Variants in RAVER1 observed in about 807,000 individuals in gnomAD.
The protein encoded by RAVER1 is ribonucleoprotein, PTB binding 1, also known as ribonucleoprotein PTB-binding 1.
In RAVER1, 36 loss-of-function variants were observed where a neutral mutation model predicts 68.4. The observed-to-expected ratio is 0.53, with a 90% confidence interval of 0.40 to 0.70. The LOEUF is 0.70. Ranked by LOEUF, RAVER1 falls within the 30% of genes least tolerant of loss-of-function variation. The probability of loss-of-function intolerance (pLI) is 0.00; values close to 1 mark genes in which losing one functional copy is unlikely to be tolerated. For synonymous variants in RAVER1, 469 were observed against 472.7 expected (o/e 0.99, Z 0.10); for missense variants, 933 against 1,019.8 (o/e 0.91, Z 1.16).
rs1276511392 is a variant in RAVER1 at position 10,323,107 on chromosome 19, G to C, written c.1078+38C>G. 1 of 1,516,794 alleles carries C rather than the reference G, an allele frequency of 6.6e-7. No homozygotes were observed. Among genetic ancestry groups the C allele is most frequent in the Non-Finnish European group, 8.9e-7 (1 of 1,127,370 alleles). The allele number at this position is 1,516,794 out of a possible 1,614,324, so 94.0% of individuals were successfully genotyped here. On this transcript the variant is annotated intron_variant, in intron 5 of 12. Coordinates refer to ENST00000617231, the MANE Select transcript of RAVER1 (RefSeq NM_133452.3). The surrounding 1 kb of genome is among the most constrained non-coding windows in gnomAD (Gnocchi z 6.2). ...TGCCGGGGGCAGCGCTGCAGCCCCT[G>C]TTCTGCACAGTGGGGCCCCTGTCCA...
intron 3 of RAVER1, among the ~76,000 whole-genome samples, chr19:10,325,923 TAGCTGGTCATG>T (rs1568312397): frequency 6.6e-6 from 1 of 152,042 alleles, no homozygotes; most frequent in African/African-American, 2.4e-5. Context: ...AGAGTACCTG[TAGCTGGTCATG>T]ACCCTGTGAC....
In RAVER1 at chr19:10,318,300, A is replaced by C. The variant is rs901525614; in HGVS notation, c.1918T>G (p.Tyr640Asp). Residue 640 changes from tyrosine to aspartate, a missense_variant, in exon 11 of 13, where the codon TAT (tyrosine) becomes GAT (aspartate). Tyr to Asp is a radical substitution (Grantham distance 160). Around this residue, in one of 3 missense-constraint regions of RAVER1, gnomAD observed 699 missense variants for 731.1 expected, o/e 0.96. Coordinates refer to ENST00000617231, the MANE Select transcript of RAVER1 (RefSeq NM_133452.3). The part of the protein sequence containing the change: ...GSGGGPLSHF[Y>D]SGSPTSYFTS... ...AAGTAGGAAGTGGGCGAGCCTGAATAGAAGTGAGACAGGGGGCCCCCGCCA... is the reference window on the plus strand; with the variant it reads ...AAGTAGGAAGTGGGCGAGCCTGAATCGAAGTGAGACAGGGGGCCCCCGCCA... 5.0e-6 allele frequency: 8 copies of C among 1,599,680 alleles called. No individual in the cohort carries two copies. Among genetic ancestry groups the C allele is most frequent in the Non-Finnish European group, 6.8e-6 (8 of 1,174,310 alleles).
At chr19:10,332,565 G>A (rs79487480) in intron 1 of RAVER1, among the ~76,000 whole-genome samples, 4,459 of 152,286 alleles carry the variant, frequency 0.029, 87 homozygotes, top group East Asian at 0.049. Flanking sequence ...CAGGAAGCGA[G>A]AACCTATTTC....
rs2145068992 is a variant in RAVER1 at position 10,320,969 on chromosome 19, G to A, written c.1474-18C>T. Reference sequence around the variant, plus strand: ...AGTGAGACCTGTGGCGGGAAGGCAGGATTCGAGAGGGCCCCCGGGAGAGGG... The same window carrying A: ...AGTGAGACCTGTGGCGGGAAGGCAGAATTCGAGAGGGCCCCCGGGAGAGGG... On this transcript the variant is annotated intron_variant, in intron 8 of 12. Coordinates refer to ENST00000617231, the MANE Select transcript of RAVER1 (RefSeq NM_133452.3). The A allele has an allele frequency of 6.7e-7, 1 of 1,490,126 alleles. No individual in the cohort carries two copies. The highest frequency in any genetic ancestry group is 1.4e-5 in the South Asian group (1 of 70,452). 92.3% of individuals were successfully genotyped at this position (1,490,126 alleles called of 1,614,324 possible).
Position 10,317,148 on chromosome 19 carries a change from G to C in RAVER1, c.*306C>G. 2.4e-6 allele frequency: 1 copy of C among 424,696 alleles called. No homozygotes were observed. The highest frequency in any genetic ancestry group is 4.2e-6 in the Non-Finnish European group (1 of 237,342). 26.3% of individuals were successfully genotyped at this position (424,696 alleles called of 1,614,324 possible). ...AAATTACAGGAGCAATGAGGCAGGAGGGCTCCGGAGAGACGGGCACAGCGG... is the reference window on the plus strand; with the variant it reads ...AAATTACAGGAGCAATGAGGCAGGACGGCTCCGGAGAGACGGGCACAGCGG... On this transcript the variant is annotated 3_prime_UTR_variant, in exon 13 of 13. Coordinates refer to ENST00000617231, the MANE Select transcript of RAVER1 (RefSeq NM_133452.3). The surrounding 1 kb of genome is among the most constrained non-coding windows in gnomAD (Gnocchi z 4.3).
chr19:10,327,239 G>A (rs1242640829), intron 3 of RAVER1, among the ~76,000 whole-genome samples: 1 of 152,026 alleles, frequency 6.6e-6, no homozygotes, highest in Non-Finnish European at 1.5e-5. Context: ...CCACAGAGCT[G>A]GGGGTCCGAG....
intron 10 of RAVER1, among the ~76,000 whole-genome samples, chr19:10,318,856 C>T (rs985894057): frequency 2.0e-5 from 3 of 152,182 alleles, no homozygotes; most frequent in Non-Finnish European, 2.9e-5. Context: ...TGCCGGGGAC[C>T]GCCCACTGCC....
Position 10,317,855 on chromosome 19 carries a change from C to A in RAVER1, c.1990-82G>T. On this transcript the variant is annotated intron_variant, in intron 11 of 12. Transcript: ENST00000617231. The surrounding 1 kb of genome is among the most constrained non-coding windows in gnomAD (Gnocchi z 4.3). ...ACCCCGCCCCCCTGCCACTGCCCCC[C>A]AGCCCTGAGGGAAAGCGAACAGTTT... The A allele has an allele frequency of 3.7e-6, 3 of 813,434 alleles. No homozygotes were observed. The highest frequency in any genetic ancestry group is 2.7e-5 in the East Asian group (1 of 37,640). 50.4% of individuals were successfully genotyped at this position (813,434 alleles called of 1,614,324 possible).
chr19:10,328,768 G>C lies in RAVER1; in HGVS notation c.630C>G (p.Ala210=), dbSNP rs752714299. ...GGAGAAGGGCAGGCGTCAGTTGCCC[G>C]GCATCCGTCCAGTGCACGTAGAGGG... ...PRTLYVHWTD[A]GQLTPALLHS... The change falls in exon 3 of 13, where the codon GCC becomes GCG. Residue 210 remains alanine, a synonymous_variant. Transcript: ENST00000617231. This position sits in a 1 kb window ranked among gnomAD's most constrained non-coding sequence, Gnocchi z 4.4. The C allele has an allele frequency of 6.2e-7, 1 of 1,612,982 alleles. No homozygotes were observed. Among genetic ancestry groups the C allele is most frequent in the Non-Finnish European group, 8.5e-7 (1 of 1,179,786 alleles).
Position 10,317,564 on chromosome 19 carries a change from G to C in RAVER1, c.2110C>G (p.Leu704Val), listed in dbSNP as rs754578671. 7.4e-6 allele frequency: 12 copies of C among 1,612,460 alleles called. No individual in the cohort carries two copies. Among genetic ancestry groups the C allele is most frequent in the Non-Finnish European group, 8.5e-6 (10 of 1,179,448 alleles). Residue 704 changes from leucine to valine, a missense_variant, in exon 13 of 13, where the codon CTG (leucine) becomes GTG (valine). This residue lies in a region of RAVER1 where 699 missense variants were observed against 731.1 expected (regional missense o/e 0.96). Coordinates refer to ENST00000617231, the MANE Select transcript of RAVER1 (RefSeq NM_133452.3). The surrounding 1 kb of genome is among the most constrained non-coding windows in gnomAD (Gnocchi z 4.3). ...LGGQKRSFAH[L>V]LPSPEPSPEG... is the part of the protein sequence containing the mutation. ...GGGCTGGGCTCGGGCGAGGGCAGCA[G>C]GTGGGCAAAGCTGCGTTTCTGGCCG...
chr19:10,331,356 CAAAAA>C (rs58419369), intron 1 of RAVER1, among the ~76,000 whole-genome samples: 1 of 29,174 alleles, frequency 3.4e-5, no homozygotes, highest in Non-Finnish European at 5.5e-5. Context: ...GACTCCGTCT[CAAAAA>C]AAAAAAAAAA....
chr19:10,332,811 T>A (rs961462264), intron 1 of RAVER1, among the ~76,000 whole-genome samples: 9 of 141,972 alleles, frequency 6.3e-5, no homozygotes, highest in African/African-American at 2.3e-4. Context: ...GGGGCTGCTG[T>A]TAACTTCCGG....
rs572489531 is a variant in RAVER1, at chr19:10,330,652, A to G, written c.220-126T>C. ...ACCACCCCCCATTTTACCAATGAGG[A>G]AACTGAGGCTCGATGCAGTAATTTT... On this transcript the variant is annotated intron_variant, in intron 1 of 12. Transcript: ENST00000617231. The G allele has an allele frequency of 6.5e-6, 4 of 619,912 alleles. No individual in the cohort carries two copies. The East Asian group carries it at 1.1e-4, about 18-fold the overall frequency. 38.4% of individuals were successfully genotyped at this position (619,912 alleles called of 1,614,324 possible).
In RAVER1 at chr19:10,316,409, A is replaced by G; in HGVS notation, c.*1045T>C. 2 of 1,032,316 alleles carry G rather than the reference A, an allele frequency of 1.9e-6. No individual in the cohort carries two copies. The highest frequency in any genetic ancestry group is 2.3e-6 in the Non-Finnish European group (2 of 859,896). The allele number at this position is 1,032,316 out of a possible 1,614,324, so 63.9% of individuals were successfully genotyped here. On this transcript the variant is annotated 3_prime_UTR_variant, in exon 13 of 13. Coordinates refer to ENST00000617231, the MANE Select transcript of RAVER1 (RefSeq NM_133452.3). ...ACAGGTCCTGCTGGTGGGCGGGCCC[A>G]GAGTTTATCTTCATGGAGTGCTGGT...
chr19:10,318,279 A>G lies in RAVER1; in HGVS notation c.1939T>C (p.Tyr647His). 6.2e-7 allele frequency: 1 copy of G among 1,605,616 alleles called. No homozygotes were observed. Among genetic ancestry groups the G allele is most frequent in the Non-Finnish European group, 8.5e-7 (1 of 1,176,878 alleles). The change falls in exon 11 of 13, where the codon TAC (tyrosine) becomes CAC (histidine). Residue 647 changes from tyrosine to histidine, a missense_variant. Physicochemically the swap from Tyr to His is moderately conservative, Grantham distance 83. Around this residue, in one of 3 missense-constraint regions of RAVER1, gnomAD observed 699 missense variants for 731.1 expected, o/e 0.96. Coordinates refer to ENST00000617231, the MANE Select transcript of RAVER1 (RefSeq NM_133452.3). ...SHFYSGSPTS[Y>H]FTSGLQAGLK... ...CCAGCCTGCAGGCCGCTGGTGAAGT[A>G]GGAAGTGGGCGAGCCTGAATAGAAG...
intron 3 of RAVER1, among the ~76,000 whole-genome samples, chr19:10,324,818 G>A (rs1475531793): frequency 6.6e-6 from 1 of 152,040 alleles, no homozygotes; most frequent in Non-Finnish European, 1.5e-5. Flanking sequence ...CCATTCAGCT[G>A]GGTCACCTAA....
chr19:10,317,594 G>A lies in RAVER1; in HGVS notation c.2080C>T (p.Leu694=). The change falls in exon 13 of 13, where the codon CTG becomes TTG. Residue 694 remains leucine, a synonymous_variant. Coordinates refer to ENST00000617231, the MANE Select transcript of RAVER1 (RefSeq NM_133452.3). The surrounding 1 kb of genome is among the most constrained non-coding windows in gnomAD (Gnocchi z 4.3). ...NGHSHLLKTP[L]GGQKRSFAHL... is the part of the protein sequence containing the mutation. ...GCAAAGCTGCGTTTCTGGCCGCCCA[G>A]TGGGGTCTGGAGACAGAGGGCAGGG... The A allele has an allele frequency of 6.2e-7, 1 of 1,608,916 alleles. No homozygotes were observed. Among genetic ancestry groups the A allele is most frequent in the Non-Finnish European group, 8.5e-7 (1 of 1,178,172 alleles).
intron 1 of RAVER1, among the ~76,000 whole-genome samples, chr19:10,332,454 G>C (rs575702774): frequency 9.9e-5 from 15 of 152,282 alleles, no homozygotes; most frequent in African/African-American, 3.4e-4. Context: ...TCCCTGTCCC[G>C]ATCTGTCCCC....
chr19:10,333,379 C>A lies in RAVER1; in HGVS notation c.129G>T (p.Glu43Asp), dbSNP rs1474736060. The A allele has an allele frequency of 1.2e-6, 2 of 1,613,804 alleles. No individual in the cohort carries two copies. Among genetic ancestry groups the A allele is most frequent in the Admixed American group, 3.3e-5 (2 of 60,014 alleles). Reference protein sequence around the residue: ...EEELPPLDPEEIRKRLEHTER... With the variant: ...EEELPPLDPEDIRKRLEHTER... Reference sequence around the variant, plus strand: ...CGGTGTGTTCCAGGCGTTTCCGGATCTCTTCTGGATCTAGAGGCGGCAGCT... The same window carrying A: ...CGGTGTGTTCCAGGCGTTTCCGGATATCTTCTGGATCTAGAGGCGGCAGCT... The change falls in exon 1 of 13, where the codon GAG becomes GAT. Residue 43 changes from glutamate to aspartate, a missense_variant. Around this residue, in one of 3 missense-constraint regions of RAVER1, gnomAD observed 211 missense variants for 230.0 expected, o/e 0.92. Coordinates refer to ENST00000617231, the MANE Select transcript of RAVER1 (RefSeq NM_133452.3). This position sits in a 1 kb window ranked among gnomAD's most constrained non-coding sequence, Gnocchi z 4.2.
Sources: gnomAD v4.1 joint callset for allele counts (sites outside exome capture counted in the v4.1 genomes callset) on GRCh38, gnomAD v4.1.1 for gene constraint, gnomAD v4.1.1 regional missense constraint, Gnocchi (gnomAD v3.1) non-coding constraint, MANE v1.5 for transcripts, NCBI Gene and HGNC (gene_info 2026-07-23, HGNC 2026-07-21) for gene names.